The following ANXA4 variants were observed in gnomAD, a reference collection of about 807,000 sequenced individuals.
The protein encoded by ANXA4 is 35-beta calcimedin.
A neutral mutation model predicts 49.8 loss-of-function variants in ANXA4; 39 were observed. The observed-to-expected ratio is 0.78, with a 90% CI of 0.61 to 1.02. The LOEUF (loss-of-function observed/expected upper bound fraction) is 1.02. Among genes scored for constraint, ANXA4 ranks in the 50% least tolerant of loss-of-function variants. ANXA4 has a pLI of 0.00. For synonymous variants in ANXA4, 134 were observed against 152.5 expected (o/e 0.88, Z 0.89); for missense variants, 360 against 410.1 (o/e 0.88, Z 1.05).
chr2:69,699,676 A>G (rs998539797), intron 2 of ANXA4, among the ~76,000 whole-genome samples: 5 of 152,038 alleles, frequency 3.3e-5, no homozygotes, highest in Non-Finnish European at 7.4e-5. Flanking sequence ...ACAAACAACA[A>G]CAGAAAAAAA....
intron 1 of ANXA4, among the ~76,000 whole-genome samples, chr2:69,759,830 ATTTTG>A (rs1174412365): frequency 6.6e-6 from 1 of 152,144 alleles, no homozygotes; most frequent in Admixed American, 6.5e-5. Context: ...GACAATTAGT[ATTTTG>A]TTTTATCTTT....
At chr2:69,804,674 A>G in intron 4 of ANXA4, 47 bp downstream of exon 4, 1 of 1,485,430 alleles carries the variant, frequency 6.7e-7, no homozygotes, top group African/African-American at 1.4e-5. Context: ...TCGCAGCAAC[A>G]GGAAGCAGGG....
At chr2:69,708,406 C>CT (rs1261042651) in intron 2 of ANXA4, among the ~76,000 whole-genome samples, 6 of 152,128 alleles carry the variant, frequency 3.9e-5, no homozygotes, top group Admixed American at 3.9e-4. Flanking sequence ...TATTTTAAGG[C>CT]TGTCCATGGC....
chr2:69,661,773 G>A (rs777932097), intron 2 of ANXA4, among the ~76,000 whole-genome samples: 1 of 151,996 alleles, frequency 6.6e-6, no homozygotes, highest in Non-Finnish European at 1.5e-5. Flanking sequence ...CACTGGATAC[G>A]TCTGAAAGTG....
chr2:69,694,549 G>T (rs1174260165), intron 2 of ANXA4, among the ~76,000 whole-genome samples: 1 of 108,846 alleles, frequency 9.2e-6, no homozygotes, highest in Non-Finnish European at 1.7e-5. Context: ...ACAGTCCCCG[G>T]TGTGTGATGT....
intron 3 of ANXA4, among the ~76,000 whole-genome samples, chr2:69,729,947 G>C (rs1022027022): frequency 5.9e-5 from 9 of 152,214 alleles, no homozygotes; most frequent in Non-Finnish European, 1.0e-4. Context: ...TAAAGATAGT[G>C]ACTCCCTGCA....
chr2:69,676,677 G>T (rs1359468912), intron 2 of ANXA4, among the ~76,000 whole-genome samples: 1 of 152,178 alleles, frequency 6.6e-6, no homozygotes, highest in African/African-American at 2.4e-5. Context: ...GGCGGATCAT[G>T]AGGTCAAGAG....
chr2:69,789,337 C>T (rs775381974), intron 3 of ANXA4, among the ~76,000 whole-genome samples: 3 of 152,132 alleles, frequency 2.0e-5, no homozygotes, highest in Admixed American at 6.5e-5. Flanking sequence ...ATCTCAAGCT[C>T]GGGGTCATCA....
chr2:69,665,339 T>C (rs943921115), intron 2 of ANXA4, among the ~76,000 whole-genome samples: 2 of 152,048 alleles, frequency 1.3e-5, no homozygotes, highest in African/African-American at 4.8e-5. Flanking sequence ...GTGCCAGACA[T>C]GTGAATGATT....
At chr2:69,761,213 T>G (rs1378533278) in intron 1 of ANXA4, among the ~76,000 whole-genome samples, 2 of 152,128 alleles carry the variant, frequency 1.3e-5, no homozygotes, top group Admixed American at 1.3e-4. Flanking sequence ...TTTATAGGCT[T>G]CTTTTCGTGC....
At chr2:69,686,849 C>T (rs1045870657) in intron 2 of ANXA4, among the ~76,000 whole-genome samples, 3 of 152,244 alleles carry the variant, frequency 2.0e-5, no homozygotes, top group African/African-American at 7.2e-5. Context: ...TGCACATGGG[C>T]TCTGGACCAT....
chr2:69,674,824 T>TA (rs1677333666), intron 2 of ANXA4, among the ~76,000 whole-genome samples: 1 of 151,854 alleles, frequency 6.6e-6, no homozygotes, highest in African/African-American at 2.4e-5. Flanking sequence ...GTCATCCTCT[T>TA]ACAATAAAAA....
intron 2 of ANXA4, among the ~76,000 whole-genome samples, chr2:69,715,221 A>G (rs1678839469): frequency 1.3e-5 from 2 of 152,004 alleles, no homozygotes; most frequent in African/African-American, 2.4e-5. Flanking sequence ...TTATTTATTT[A>G]TTTTTTGAAA....
intron 2 of ANXA4, among the ~76,000 whole-genome samples, chr2:69,686,548 G>A (rs1677794036): frequency 6.6e-6 from 1 of 152,134 alleles, no homozygotes; most frequent in African/African-American, 2.4e-5. Context: ...AATCTCCCAG[G>A]CTCAAGCGCT....
At chr2:69,747,354 C>T (rs563445926) in intron 1 of ANXA4, among the ~76,000 whole-genome samples, 7 of 152,168 alleles carry the variant, frequency 4.6e-5, no homozygotes, top group Non-Finnish European at 7.4e-5. Context: ...GCTATAAGCC[C>T]TTGCCATGAT....
intron 2 of ANXA4, among the ~76,000 whole-genome samples, chr2:69,715,468 A>C (rs1248556069): frequency 1.3e-5 from 2 of 152,194 alleles, no homozygotes; most frequent in Admixed American, 1.3e-4. Context: ...TCGGCCTCCC[A>C]AAGTGCTGGG....
chr2:69,823,276 C>T lies in ANXA4; in HGVS notation c.907-2180C>T, dbSNP rs1320618285. On this transcript the variant is annotated intron_variant, in intron 12 of 12. Coordinates refer to ENST00000394295, the MANE Select transcript of ANXA4 (RefSeq NM_001153.5). ...AAATATATGTGTGTATACACACACA[C>T]ACCACTAGAAAAGATTAAAAATAAA... is the stretch of plus-strand genomic sequence containing the variant. Among the ~76,000 whole-genome samples the T allele has an allele frequency of 2.0e-5, 3 of 150,558 alleles. No homozygotes were observed. The East Asian group carries it at 5.8e-4, about 29-fold the overall frequency.
intron 3 of ANXA4, among the ~76,000 whole-genome samples, chr2:69,726,928 G>C (rs1015673517): frequency 6.6e-6 from 1 of 152,156 alleles, no homozygotes; most frequent in Non-Finnish European, 1.5e-5. Context: ...TGTCGCCCAG[G>C]CTGGAGTGCA....
intron 2 of ANXA4, among the ~76,000 whole-genome samples, chr2:69,678,676 C>T (rs1056730706): frequency 1.3e-5 from 2 of 152,152 alleles, no homozygotes; most frequent in African/African-American, 4.8e-5. Flanking sequence ...GGACTACGGG[C>T]ATGAGCCACC....
Sources: allele counts gnomAD v4.1 joint callset (sites outside exome capture counted in the v4.1 genomes callset), GRCh38; gene constraint gnomAD v4.1.1; transcripts MANE v1.5; gene names NCBI Gene and HGNC (gene_info 2026-07-23, HGNC 2026-07-21).